PECAM1: variants seen among roughly 807,000 people sequenced by gnomAD.
PECAM1 encodes the protein platelet endothelial cell adhesion molecule.
PECAM1 carries 8 observed loss-of-function variants against 13.8 expected under a neutral mutation model. The ratio of observed to expected loss-of-function variants is 0.58; its 90% confidence interval spans 0.34 to 1.05. The LOEUF (loss-of-function observed/expected upper bound fraction) is 1.05. Among genes scored for constraint, PECAM1 ranks in the 50% least tolerant of loss-of-function variants. The pLI, the probability that PECAM1 is intolerant of heterozygous loss-of-function variation, is 0.03. For synonymous variants in PECAM1, 136 were observed against 52.6 expected (o/e 2.58, Z -6.86); for missense variants, 304 against 141.2 (o/e 2.15, Z -5.84).
intron 14 of PECAM1, among the ~76,000 whole-genome samples, chr17:64,330,359 A>G (rs1027041670): frequency 9.9e-5 from 15 of 151,414 alleles, no homozygotes; most frequent in Non-Finnish European, 8.8e-5. Context: ...ATGTAGTATC[A>G]CGGCTGGGTG....
chr17:64,374,794 C>A (rs1006635501), intron 4 of PECAM1, among the ~76,000 whole-genome samples: 15 of 135,362 alleles, frequency 1.1e-4, no homozygotes, highest in Middle Eastern at 3.9e-3. Flanking sequence ...AAAAAAAAAA[C>A]CCCAAAAACC....
intron 2 of PECAM1, among the ~76,000 whole-genome samples, chr17:64,387,295 T>C (rs1458837813): frequency 1.3e-5 from 2 of 151,856 alleles, no homozygotes; most frequent in Non-Finnish European, 2.9e-5. Context: ...AAGTGGGGCC[T>C]GAGGCCAGGC....
intron 13 of PECAM1, among the ~76,000 whole-genome samples, chr17:64,346,258 A>T (rs111221631): frequency 7.9e-5 from 12 of 152,074 alleles, no homozygotes; most frequent in Admixed American, 7.9e-4. Context: ...TCCTTTGAGC[A>T]TGCAGGAGTG....
rs281865545 is a variant in PECAM1 at position 64,377,836 on chromosome 17, C to G, written c.373G>C (p.Val125Leu). The G allele has an allele frequency of 0.48, 227,287 of 474,850 alleles. 55,152 individuals are homozygous for G. Among genetic ancestry groups the G allele is most frequent in the Middle Eastern group, 0.59 (983 of 1,658 alleles). The allele number at this position is 474,850 out of a possible 1,614,324, so 29.4% of individuals were successfully genotyped here. A position where few individuals can be genotyped will look rare whatever the true frequency, so the allele number is the denominator to read the frequency against. Residue 125 changes from valine to leucine, a missense_variant, in exon 3 of 16, where the codon GTG becomes CTG. Val to Leu is a conservative substitution (Grantham distance 32, BLOSUM62 1). Coordinates refer to ENST00000563924, the MANE Select transcript of PECAM1 (RefSeq NM_000442.5). ...NKEKTTAEYQ[V>L]LVEGVPSPRV... ...TCCAAGGACTCACCTTCCACCAACA[C>G]CTGGTACTCTGCAGTGGTTTTCTCT...
At chr17:64,360,047 T>A in intron 7 of PECAM1, 93 bp downstream of exon 7, 1 of 474,608 alleles carries the variant, frequency 2.1e-6, no homozygotes, top group South Asian at 7.0e-5. Context: ...CCACCGCACC[T>A]GGCCCCCTAC....
intron 13 of PECAM1, among the ~76,000 whole-genome samples, chr17:64,342,686 T>C (rs901261280): frequency 1.3e-5 from 2 of 151,966 alleles, no homozygotes; most frequent in Non-Finnish European, 2.9e-5. Flanking sequence ...ACCCTCTCAA[T>C]ATGGCAGCAT....
At chr17:64,333,943 CAAAAAAAA>C (rs869179014) in intron 14 of PECAM1, among the ~76,000 whole-genome samples, 6 of 69,608 alleles carry the variant, frequency 8.6e-5, no homozygotes, top group Admixed American at 6.7e-4. Context: ...GACCCTGTCT[CAAAAAAAA>C]AAAAAAAAAA....
intron 5 of PECAM1, among the ~76,000 whole-genome samples, chr17:64,366,836 AG>A (rs1397911355): frequency 5.7e-4 from 34 of 59,674 alleles, no homozygotes; most frequent in African/African-American, 2.2e-3. Flanking sequence ...GGGTGGGGGG[AG>A]GGGGGAGGGA....
intron 4 of PECAM1, among the ~76,000 whole-genome samples, 158 bp downstream of exon 4, chr17:64,374,893 G>T (rs1358172248): frequency 6.6e-6 from 1 of 152,154 alleles, no homozygotes; most frequent in Non-Finnish European, 1.5e-5. Flanking sequence ...CAATTTAACT[G>T]TATAACAGTC....
intron 2 of PECAM1, among the ~76,000 whole-genome samples, chr17:64,386,760 C>G (rs1229165389): frequency 2.0e-5 from 3 of 152,066 alleles, no homozygotes; most frequent in Non-Finnish European, 4.4e-5. Context: ...AATGAGACCC[C>G]AGTCTCTACA....
intron 15 of PECAM1, among the ~76,000 whole-genome samples, chr17:64,327,062 T>A (rs1156303683): frequency 6.6e-6 from 1 of 152,212 alleles, no homozygotes; most frequent in Non-Finnish European, 1.5e-5. Context: ...AATTTGCCCA[T>A]GGTGACATGG....
intron 13 of PECAM1, among the ~76,000 whole-genome samples, chr17:64,344,910 G>C (rs1412557980): frequency 6.6e-6 from 1 of 152,228 alleles, no homozygotes; most frequent in Non-Finnish European, 1.5e-5. Flanking sequence ...AATGGGGAAA[G>C]AGGGACCAGT....
At chr17:64,346,662 C>G (rs1291883664) in intron 13 of PECAM1, among the ~76,000 whole-genome samples, 1 of 151,970 alleles carries the variant, frequency 6.6e-6, no homozygotes, top group African/African-American at 2.4e-5. Context: ...TTATGGTGCC[C>G]AAAACAAACG....
chr17:64,341,372 G>A (rs2035426066), intron 14 of PECAM1, among the ~76,000 whole-genome samples: 1 of 152,168 alleles, frequency 6.6e-6, no homozygotes, highest in African/African-American at 2.4e-5. Flanking sequence ...CAGCCACCAG[G>A]GCCTGTGTGG....
chr17:64,334,652 C>T (rs1024831494), intron 14 of PECAM1, among the ~76,000 whole-genome samples: 6 of 152,210 alleles, frequency 3.9e-5, no homozygotes, highest in Non-Finnish European at 5.9e-5. Flanking sequence ...GGACTACAGG[C>T]GCCCGCCACC....
At chr17:64,330,497 G>A (rs1322723060) in intron 14 of PECAM1, among the ~76,000 whole-genome samples, 6 of 151,938 alleles carry the variant, frequency 3.9e-5, no homozygotes, top group African/African-American at 9.7e-5. Context: ...TTAGCCAGGC[G>A]TGGTGGTGGG....
chr17:64,388,911 G>A (rs1260645830), intron 2 of PECAM1, among the ~76,000 whole-genome samples: 3 of 152,050 alleles, frequency 2.0e-5, no homozygotes, highest in African/African-American at 7.3e-5. Flanking sequence ...CAAGTGATTC[G>A]ACCACCTTGG....
At chr17:64,376,110 C>T (rs938288153) in intron 3 of PECAM1, among the ~76,000 whole-genome samples, 3 of 151,940 alleles carry the variant, frequency 2.0e-5, no homozygotes, top group East Asian at 3.9e-4. Flanking sequence ...TTGAGACCAG[C>T]CTGGCCAACA....
intron 11 of PECAM1, among the ~76,000 whole-genome samples, chr17:64,351,898 C>T (rs2035732741): frequency 6.6e-6 from 1 of 152,222 alleles, no homozygotes; most frequent in Non-Finnish European, 1.5e-5. Context: ...GACCCTGAAG[C>T]TACTGATGAG....
Sources: allele counts gnomAD v4.1 joint callset (sites outside exome capture counted in the v4.1 genomes callset), GRCh38; gene constraint gnomAD v4.1.1; transcripts MANE v1.5; gene names NCBI Gene and HGNC (gene_info 2026-07-23, HGNC 2026-07-21).